Variants in CELSR1 observed in about 807,000 individuals in gnomAD.
CELSR1 encodes the protein cadherin EGF LAG seven-pass G-type receptor 1, also known as adhesion G protein-coupled receptor C1.
A neutral mutation model predicts 249.1 loss-of-function variants in CELSR1; 110 were observed. The observed-to-expected ratio is 0.44, with a 90% CI of 0.38 to 0.52. The LOEUF (loss-of-function observed/expected upper bound fraction) is 0.52. CELSR1 is among the 20% of genes least tolerant of loss of function. CELSR1 has a pLI of 0.00. For synonymous variants in CELSR1, 2,113 were observed against 1,900.0 expected (o/e 1.11, Z -2.92); for missense variants, 4,109 against 4,296.4 (o/e 0.96, Z 1.22).
At chr22:46,483,260 T>A (rs1429628903) in intron 1 of CELSR1, among the ~76,000 whole-genome samples, 1 of 152,122 alleles carries the variant, frequency 6.6e-6, no homozygotes, top group Non-Finnish European at 1.5e-5. Context: ...AGAACCTTAT[T>A]AATAAATTAA....
Position 46,410,600 on chromosome 22 carries a change from G to A in CELSR1, c.4770-39C>T. ...GCCATCTTCTGTGACGTCAGGGCGGGGAGAGGCGGCCACGGCGGGCTGGGC... is the reference window on the plus strand; with the variant it reads ...GCCATCTTCTGTGACGTCAGGGCGGAGAGAGGCGGCCACGGCGGGCTGGGC... On this transcript the variant is annotated intron_variant, in intron 6 of 34. Coordinates refer to ENST00000674500, the MANE Select transcript of CELSR1 (RefSeq NM_001378328.1). This position sits in a 1 kb window ranked among gnomAD's most constrained non-coding sequence, Gnocchi z 6.8. The A allele has an allele frequency of 6.2e-7, 1 of 1,601,188 alleles. No individual in the cohort carries two copies. Among genetic ancestry groups the A allele is most frequent in the Non-Finnish European group, 8.5e-7 (1 of 1,170,218 alleles).
chr22:46,463,872 GC>G lies in CELSR1; in HGVS notation c.4017del (p.Ile1341SerfsTer79). On this transcript the variant is annotated frameshift_variant, in exon 2 of 35. Transcript: ENST00000674500. LOFTEE classifies it high-confidence loss of function. ...CGCAGGCCGTTGATGGGGTGGATGG[GC>G]CGGAAGAGCACGGTGGTGGAGCTGA... ...PFLSSTTVLF[R>X]PIHPINGLRC... The G allele has an allele frequency of 6.2e-7, 1 of 1,613,056 alleles. No individual in the cohort carries two copies. Among genetic ancestry groups the G allele is most frequent in the Non-Finnish European group, 8.5e-7 (1 of 1,179,558 alleles).
intron 1 of CELSR1, among the ~76,000 whole-genome samples, chr22:46,509,445 G>A (rs1340210958): frequency 6.6e-6 from 1 of 152,266 alleles, no homozygotes; most frequent in Admixed American, 6.5e-5. Context: ...TCACTGCGTT[G>A]TCACAGTTTA....
chr22:46,489,159 A>G (rs893972794), intron 1 of CELSR1, among the ~76,000 whole-genome samples: 2 of 151,776 alleles, frequency 1.3e-5, no homozygotes, highest in Non-Finnish European at 2.9e-5. Flanking sequence ...CGGCTTGGGG[A>G]TGGCGAAGTG....
In CELSR1 at chr22:46,433,928, C is replaced by T. The variant is rs149605295; in HGVS notation, c.4523-447G>A. ...TCGAACTCCTGACCTCGTGATCTGCCTGCCTTGGCCTCCCAAACTGCTGGG... is the reference window on the plus strand; with the variant it reads ...TCGAACTCCTGACCTCGTGATCTGCTTGCCTTGGCCTCCCAAACTGCTGGG... On this transcript the variant is annotated intron_variant, in intron 4 of 34. Coordinates refer to ENST00000674500, the MANE Select transcript of CELSR1 (RefSeq NM_001378328.1). The surrounding 1 kb of genome is among the most constrained non-coding windows in gnomAD (Gnocchi z 5.7). 6.9e-4 allele frequency among the ~76,000 whole-genome samples: 105 copies of T among 152,336 alleles called. 3 individuals are homozygous for T. In the East Asian group the frequency reaches 0.016, roughly 24 times the overall value.
intron 2 of CELSR1, among the ~76,000 whole-genome samples, chr22:46,459,055 G>T (rs950088080): frequency 1.4e-4 from 22 of 151,810 alleles, no homozygotes; most frequent in Non-Finnish European, 2.6e-4. Context: ...ACCACACCTG[G>T]TTTTTTGTAT....
In CELSR1 at chr22:46,407,729, G is replaced by A. The variant is rs957261858; in HGVS notation, c.5226+1267C>T. The stretch of plus-strand genomic sequence containing the variant: ...AAATCAAGACAGAGCGCCCTGCTCA[G>A]GCACGGCTCCCACAGGCCACTCCCG... On this transcript the variant is annotated intron_variant, in intron 9 of 34. Transcript: ENST00000674500. This position sits in a 1 kb window ranked among gnomAD's most constrained non-coding sequence, Gnocchi z 4.8. 2.6e-5 allele frequency among the ~76,000 whole-genome samples: 4 copies of A among 152,244 alleles called. No homozygotes were observed. Among genetic ancestry groups the A allele is most frequent in the Non-Finnish European group, 4.4e-5 (3 of 68,036 alleles).
Position 46,403,992 on chromosome 22 carries a change from A to G in CELSR1, c.5227-4090T>C, listed in dbSNP as rs868223534. Among the ~76,000 whole-genome samples the G allele has an allele frequency of 7.3e-5, 11 of 149,702 alleles. No homozygotes were observed. In the South Asian group the frequency reaches 2.2e-3, roughly 31 times the overall value. ...GTCTCAAAAAAAAAAAAAAAAAAAG[A>G]AAAAAAGAAAAAAAAAACTGACTAG... is the stretch of plus-strand genomic sequence containing the variant. On this transcript the variant is annotated intron_variant, in intron 9 of 34. Coordinates refer to ENST00000674500, the MANE Select transcript of CELSR1 (RefSeq NM_001378328.1).
chr22:46,446,743 A>T lies in CELSR1; in HGVS notation c.4184-7332T>A, dbSNP rs886700775. On this transcript the variant is annotated intron_variant, in intron 2 of 34. Coordinates refer to ENST00000674500, the MANE Select transcript of CELSR1 (RefSeq NM_001378328.1). The surrounding 1 kb of genome is among the most constrained non-coding windows in gnomAD (Gnocchi z 5.5). ...CTTAATCCATGAGTTACAAAACGAC[A>T]TAATTCCCATATTTGATTCAAATAG... 6.6e-6 allele frequency among the ~76,000 whole-genome samples: 1 copy of T among 152,206 alleles called. No individual in the cohort carries two copies. The highest frequency in any genetic ancestry group is 1.5e-5 in the Non-Finnish European group (1 of 68,040).
At chr22:46,367,657 C>A in intron 28 of CELSR1, 72 bp downstream of exon 28, 1 of 1,540,584 alleles carries the variant, frequency 6.5e-7, no homozygotes, top group African/African-American at 1.4e-5. Flanking sequence ...GAGGCCTCCA[C>A]TGCTTCGCAT....
At chr22:46,485,496 C>T (rs1023103825) in intron 1 of CELSR1, among the ~76,000 whole-genome samples, 1 of 152,218 alleles carries the variant, frequency 6.6e-6, no homozygotes, top group African/African-American at 2.4e-5. Flanking sequence ...TGGGAGGCTG[C>T]ATGCGGGGCC....
intron 18 of CELSR1, 28 bp downstream of exon 18, chr22:46,389,262 C>T (rs748978722): frequency 3.8e-6 from 6 of 1,599,172 alleles, no homozygotes; most frequent in Admixed American, 1.7e-5. Flanking sequence ...CGAGTGTCCC[C>T]GAGCCAGGGT....
At chr22:46,508,173 G>A (rs527767733) in intron 1 of CELSR1, among the ~76,000 whole-genome samples, 2 of 151,754 alleles carry the variant, frequency 1.3e-5, no homozygotes, top group Non-Finnish European at 2.9e-5. Context: ...GACACCAGCT[G>A]ACCCCCTCCC....
intron 20 of CELSR1, among the ~76,000 whole-genome samples, chr22:46,384,200 T>G (rs1378462704): frequency 2.6e-5 from 4 of 152,204 alleles, no homozygotes; most frequent in Non-Finnish European, 5.9e-5. Context: ...CCTCCCAAAG[T>G]GCTGGGATTA....
chr22:46,438,924 A>AT (rs1341459786), intron 3 of CELSR1, among the ~76,000 whole-genome samples: 2 of 152,062 alleles, frequency 1.3e-5, no homozygotes, highest in Non-Finnish European at 2.9e-5. Flanking sequence ...TATCCAGCTC[A>AT]TTTTTGTGTT....
chr22:46,382,387 C>T (rs567402168), intron 20 of CELSR1, among the ~76,000 whole-genome samples: 2 of 152,306 alleles, frequency 1.3e-5, no homozygotes. Context: ...ACGCCATTCT[C>T]CTGCCTCAGC....
chr22:46,532,369 G>T (rs3788727), intron 1 of CELSR1, among the ~76,000 whole-genome samples: 2 of 151,982 alleles, frequency 1.3e-5, no homozygotes, highest in Non-Finnish European at 2.9e-5. Context: ...AATATTCACC[G>T]ACAAATAGAC....
chr22:46,528,580 A>G (rs2080761241), intron 1 of CELSR1, among the ~76,000 whole-genome samples: 1 of 152,210 alleles, frequency 6.6e-6, no homozygotes, highest in South Asian at 2.1e-4. Flanking sequence ...CCGGCCACAG[A>G]TGACTGGAGA....
chr22:46,378,357 T>C (rs2078940851), intron 23 of CELSR1, among the ~76,000 whole-genome samples: 2 of 152,184 alleles, frequency 1.3e-5, no homozygotes, highest in African/African-American at 4.8e-5. Flanking sequence ...TAATGGGGCT[T>C]TGTTATGGAA....
Sources: gnomAD v4.1 joint callset for allele counts (sites outside exome capture counted in the v4.1 genomes callset) on GRCh38, gnomAD v4.1.1 for gene constraint, Gnocchi (gnomAD v3.1) non-coding constraint, MANE v1.5 for transcripts, NCBI Gene and HGNC (gene_info 2026-07-23, HGNC 2026-07-21) for gene names.